Variants in TRDN observed in about 807,000 individuals in gnomAD.
TRDN encodes triadin.
TRDN carries 161 observed loss-of-function variants against 149.7 expected under a neutral mutation model. That is an observed-to-expected ratio of 1.08 (90% CI 0.95 to 1.23). The LOEUF (loss-of-function observed/expected upper bound fraction) is 1.23. Ranked by LOEUF, TRDN falls within the 50% of genes most tolerant of loss-of-function variation. The pLI is 0.00. For missense variants in TRDN, 896 were observed against 823.5 expected (o/e 1.09, Z -1.08); for synonymous variants, 294 against 250.5 (o/e 1.17, Z -1.64).
At chr6:123,615,545 C>T (rs1419091707) in intron 1 of TRDN, among the ~76,000 whole-genome samples, 1 of 116,016 alleles carries the variant, frequency 8.6e-6, no homozygotes, top group East Asian at 2.9e-4. Flanking sequence ...TATACACACA[C>T]ACACACACAC....
chr6:123,605,256 TTATA>T (rs140871363), intron 1 of TRDN, among the ~76,000 whole-genome samples: 36,365 of 147,434 alleles, frequency 0.25, 4,639 homozygotes, highest in East Asian at 0.43. Flanking sequence ...AAATAATTAT[TTATA>T]TATAAATATA....
intron 20 of TRDN, among the ~76,000 whole-genome samples, chr6:123,364,245 C>T (rs1781005801): frequency 6.6e-6 from 1 of 152,224 alleles, no homozygotes; most frequent in Non-Finnish European, 1.5e-5. Flanking sequence ...ATGCAGAGCG[C>T]AGAGTCTATG....
chr6:123,416,275 C>T (rs997957600), intron 12 of TRDN, among the ~76,000 whole-genome samples: 1 of 152,156 alleles, frequency 6.6e-6, no homozygotes, highest in Non-Finnish European at 1.5e-5. Flanking sequence ...AGGATAATAT[C>T]TTTTGTGATC....
At chr6:123,634,544 C>A (rs1227555905) in intron 1 of TRDN, among the ~76,000 whole-genome samples, 1 of 151,804 alleles carries the variant, frequency 6.6e-6, no homozygotes, top group Admixed American at 6.6e-5. Flanking sequence ...AGGCACTGTA[C>A]AAAGGTATAC....
chr6:123,226,864 T>A (rs1250794621), intron 38 of TRDN, among the ~76,000 whole-genome samples: 1 of 151,836 alleles, frequency 6.6e-6, no homozygotes, highest in South Asian at 2.1e-4. Context: ...GTGACCTGCT[T>A]TGTCGGACTG....
chr6:123,442,639 T>C (rs1022305633), intron 10 of TRDN, among the ~76,000 whole-genome samples: 1 of 151,400 alleles, frequency 6.6e-6, no homozygotes, highest in African/African-American at 2.4e-5. Context: ...ACAGAGTAGA[T>C]GTAGAAAAAT....
At chr6:123,297,297 G>A (rs1778238527) in intron 24 of TRDN, among the ~76,000 whole-genome samples, 1 of 151,966 alleles carries the variant, frequency 6.6e-6, no homozygotes, top group Admixed American at 6.6e-5. Flanking sequence ...AATGAGTAGT[G>A]AGAAACCCTT....
chr6:123,599,630 T>C (rs1178823702), intron 1 of TRDN, among the ~76,000 whole-genome samples: 1 of 152,046 alleles, frequency 6.6e-6, no homozygotes, highest in African/African-American at 2.4e-5. Flanking sequence ...CCTGAAAGAT[T>C]TCTGTAAGGT....
intron 24 of TRDN, among the ~76,000 whole-genome samples, chr6:123,287,573 G>A (rs117344364): frequency 5.3e-4 from 80 of 152,172 alleles, no homozygotes; most frequent in Middle Eastern, 6.8e-3. Flanking sequence ...TATATATTAT[G>A]TTTCAGCAAA....
chr6:123,581,359 C>A (rs1307633667), intron 1 of TRDN, among the ~76,000 whole-genome samples: 6 of 152,100 alleles, frequency 3.9e-5, no homozygotes, highest in Non-Finnish European at 7.4e-5. Flanking sequence ...CAAAATTATT[C>A]TGACTTTTTT....
At chr6:123,259,080 A>T (rs886324451) in intron 35 of TRDN, among the ~76,000 whole-genome samples, 1 of 152,004 alleles carries the variant, frequency 6.6e-6, no homozygotes, top group Non-Finnish European at 1.5e-5. Flanking sequence ...AATCTTTTCA[A>T]AAAAACAGCT....
At chr6:123,251,198 A>G (rs1486090980) in intron 38 of TRDN, among the ~76,000 whole-genome samples, 1 of 152,090 alleles carries the variant, frequency 6.6e-6, no homozygotes, top group Non-Finnish European at 1.5e-5. Flanking sequence ...AAGCAAGTCT[A>G]TGATCACCTG....
intron 10 of TRDN, among the ~76,000 whole-genome samples, chr6:123,446,957 T>C (rs34625964): frequency 0.15 from 22,860 of 152,204 alleles, 2,441 homozygotes; most frequent in African/African-American, 0.3. Flanking sequence ...TTTGGGACTC[T>C]GGAAGGCACG....
chr6:123,388,447 G>T, intron 14 of TRDN, 75 bp downstream of exon 14: 1 of 1,477,064 alleles, frequency 6.8e-7, no homozygotes, highest in Non-Finnish European at 9.3e-7. Flanking sequence ...AGACAGAATA[G>T]CAGTCAAAAC....
At chr6:123,493,629 T>A (rs1778313733) in intron 9 of TRDN, among the ~76,000 whole-genome samples, 1 of 152,160 alleles carries the variant, frequency 6.6e-6, no homozygotes, top group East Asian at 1.9e-4. Flanking sequence ...TAAAAACTCA[T>A]TACCAATAAT....
intron 24 of TRDN, among the ~76,000 whole-genome samples, chr6:123,312,232 G>T (rs1778851323): frequency 6.6e-6 from 1 of 151,868 alleles, no homozygotes; most frequent in East Asian, 1.9e-4. Context: ...AAGCAAAAAA[G>T]TTAGACAGAA....
At chr6:123,366,482 G>A (rs569413148) in intron 19 of TRDN, among the ~76,000 whole-genome samples, 1 of 152,122 alleles carries the variant, frequency 6.6e-6, no homozygotes, top group African/African-American at 2.4e-5. Flanking sequence ...TTAAAATTAA[G>A]GCCACATTCA....
intron 4 of TRDN, among the ~76,000 whole-genome samples, chr6:123,537,898 T>C (rs991850257): frequency 6.6e-6 from 1 of 152,232 alleles, no homozygotes; most frequent in East Asian, 1.9e-4. Context: ...TACCAAAGCT[T>C]GCTGTTGAGT....
intron 24 of TRDN, among the ~76,000 whole-genome samples, chr6:123,301,780 T>TATATAC (rs1778435317): frequency 1.1e-5 from 1 of 90,238 alleles, no homozygotes; most frequent in Non-Finnish European, 2.5e-5. Flanking sequence ...CATATATATA[T>TATATAC]ATATATACAT....
Sources: gnomAD v4.1 joint callset for allele counts (sites outside exome capture counted in the v4.1 genomes callset) on GRCh38, gnomAD v4.1.1 for gene constraint, MANE v1.5 for transcripts, NCBI Gene and HGNC (gene_info 2026-07-23, HGNC 2026-07-21) for gene names.